The following SOX6 variants were observed in gnomAD, a reference collection of about 807,000 sequenced individuals.
SOX6 encodes the protein SRY-box transcription factor 6.
Under a neutral mutation model 97.8 loss-of-function variants are expected in SOX6, and 11 were observed. That is an observed-to-expected ratio of 0.11 (90% CI 0.07 to 0.19). The LOEUF (loss-of-function observed/expected upper bound fraction) is 0.19. SOX6 is among the 10% of genes least tolerant of loss of function. The probability of loss-of-function intolerance (pLI) is 1.00; values close to 1 mark genes in which losing one functional copy is unlikely to be tolerated. For missense variants in SOX6, 810 were observed against 1,039.5 expected, an observed-to-expected ratio of 0.78 and a Z score of 3.04; for synonymous variants, 360 against 371.4, an observed-to-expected ratio of 0.97 and a Z score of 0.35.
At chr11:16,256,814 A>C (rs1853706215) in intron 3 of SOX6, among the ~76,000 whole-genome samples, 1 of 151,934 alleles carries the variant, frequency 6.6e-6, no homozygotes, top group Admixed American at 6.6e-5. Flanking sequence ...GTAGAAAATA[A>C]GACATAATTG....
chr11:16,292,557 T>C (rs1854947587), intron 3 of SOX6, among the ~76,000 whole-genome samples: 1 of 152,114 alleles, frequency 6.6e-6, no homozygotes, highest in African/African-American at 2.4e-5. Flanking sequence ...TCCCCCAAAA[T>C]GTAATCTCTA....
At chr11:16,650,214 T>C (rs959916282) in intron 3 of SOX6, among the ~76,000 whole-genome samples, 4 of 152,146 alleles carry the variant, frequency 2.6e-5, no homozygotes, top group African/African-American at 9.7e-5. Flanking sequence ...CTGACAGCAG[T>C]AGACCGGTCA....
intron 10 of SOX6, among the ~76,000 whole-genome samples, chr11:16,052,060 T>C (rs1266650947): frequency 6.6e-6 from 1 of 152,186 alleles, no homozygotes; most frequent in African/African-American, 2.4e-5. Context: ...TGTCTTGCTT[T>C]ATCATGCTCA....
At chr11:16,389,110 T>A (rs1239887910) in intron 1 of SOX6, among the ~76,000 whole-genome samples, 1 of 152,134 alleles carries the variant, frequency 6.6e-6, no homozygotes, top group Non-Finnish European at 1.5e-5. Flanking sequence ...AGAGACAGGG[T>A]CTCACTCTGA....
chr11:16,089,336 T>G (rs1848636239), intron 9 of SOX6, among the ~76,000 whole-genome samples: 1 of 152,112 alleles, frequency 6.6e-6, no homozygotes, highest in African/African-American at 2.4e-5. Context: ...TCAAGATGAC[T>G]CTACTGCTGT....
chr11:16,523,834 A>G (rs1312940279), intron 4 of SOX6, among the ~76,000 whole-genome samples: 4 of 152,230 alleles, frequency 2.6e-5, no homozygotes, highest in Non-Finnish European at 5.9e-5. Context: ...ACAAACTACC[A>G]TCAGAGAATA....
intron 15 of SOX6, among the ~76,000 whole-genome samples, chr11:15,982,412 T>C (rs1853684320): frequency 6.6e-6 from 1 of 152,104 alleles, no homozygotes; most frequent in African/African-American, 2.4e-5. Flanking sequence ...AATCTATCTT[T>C]ATCATTGCTA....
rs964890322 is a variant in SOX6 at position 15,969,236 on chromosome 11, C to T, written c.*3573G>A. The T allele has an allele frequency of 1.3e-5, 2 of 152,058 alleles. No homozygotes were observed. The highest frequency in any genetic ancestry group is 6.6e-5 in the Admixed American group (1 of 15,250). The allele number at this position is 152,058 out of a possible 1,614,324, so 9.4% of individuals were successfully genotyped here. A position where few individuals can be genotyped will look rare whatever the true frequency, so the allele number is the denominator to read the frequency against. ...AGGGAGCACCGCAAAAACAAAGTTG[C>T]TTAACATTCTTGAATCTAAACTGAC... On this transcript the variant is annotated 3_prime_UTR_variant, in exon 16 of 16. Transcript: ENST00000683767.
intron 9 of SOX6, among the ~76,000 whole-genome samples, chr11:16,071,893 A>T (rs1290763511): frequency 6.6e-6 from 1 of 151,650 alleles, no homozygotes; most frequent in Admixed American, 6.6e-5. Flanking sequence ...CCAACCCCCA[A>T]GGGCATCTAA....
At chr11:16,011,353 T>TCCCC (rs1175513578) in intron 13 of SOX6, among the ~76,000 whole-genome samples, 1 of 152,060 alleles carries the variant, frequency 6.6e-6, no homozygotes, top group African/African-American at 2.4e-5. Context: ...GTTTCCTAAG[T>TCCCC]CCCCGGCACC....
intron 4 of SOX6, among the ~76,000 whole-genome samples, chr11:16,601,620 G>A (rs1023813424): frequency 6.6e-6 from 1 of 152,058 alleles, no homozygotes; most frequent in Non-Finnish European, 1.5e-5. Flanking sequence ...TTAAAAGTAG[G>A]TGTTAAAGCC....
chr11:16,089,095 A>T (rs1468648228), intron 9 of SOX6, among the ~76,000 whole-genome samples: 1 of 152,136 alleles, frequency 6.6e-6, no homozygotes. Context: ...AATGAACTCA[A>T]TGCAGTTTAT....
chr11:16,425,937 G>C (rs1163737127), intron 1 of SOX6, among the ~76,000 whole-genome samples: 1 of 149,634 alleles, frequency 6.7e-6, no homozygotes, highest in Non-Finnish European at 1.5e-5. Flanking sequence ...CTACCATTGA[G>C]ATTTTTTACA....
Position 15,986,359 on chromosome 11 carries a change from C to T in SOX6, c.2028G>A (p.Arg676=), listed in dbSNP as rs755767274. The T allele has an allele frequency of 8.1e-6, 13 of 1,613,934 alleles. No individual in the cohort carries two copies. Among genetic ancestry groups the T allele is most frequent in the Admixed American group, 6.7e-5 (4 of 59,986 alleles). ...EKQPYYEEQA[R]LSKIHLEKYP... is the part of the protein sequence containing the mutation. ...ACTTCTCTAAGTGGATCTTGCTTAGCCGGGCCTGCTCTTCATAATAAGGTT... is the reference window on the plus strand; with the variant it reads ...ACTTCTCTAAGTGGATCTTGCTTAGTCGGGCCTGCTCTTCATAATAAGGTT... The change falls in exon 15 of 16, where the codon CGG becomes CGA. Residue 676 remains arginine, a synonymous_variant. Coordinates refer to ENST00000683767, the MANE Select transcript of SOX6 (RefSeq NM_001367873.1).
intron 4 of SOX6, among the ~76,000 whole-genome samples, chr11:16,231,056 G>A (rs950253327): frequency 3.3e-5 from 5 of 151,642 alleles, no homozygotes; most frequent in Non-Finnish European, 7.4e-5. Context: ...TATTATATAG[G>A]TAAGTGTTTA....
chr11:16,497,723 G>T (rs930151119), intron 4 of SOX6, among the ~76,000 whole-genome samples: 2 of 146,220 alleles, frequency 1.4e-5, no homozygotes, highest in African/African-American at 5.0e-5. Context: ...ATCAGTGATG[G>T]AAGATGAAAT....
chr11:16,127,635 C>G (rs2134015160), intron 6 of SOX6, among the ~76,000 whole-genome samples: 1 of 152,182 alleles, frequency 6.6e-6, no homozygotes, highest in South Asian at 2.1e-4. Flanking sequence ...TCCCTAAAAT[C>G]TTATTTTATT....
At chr11:16,185,674 C>T (rs1000802606) in intron 5 of SOX6, among the ~76,000 whole-genome samples, 4 of 152,166 alleles carry the variant, frequency 2.6e-5, no homozygotes, top group African/African-American at 2.4e-5. Flanking sequence ...AGATATCACT[C>T]GTCTGCAAAT....
intron 1 of SOX6, among the ~76,000 whole-genome samples, chr11:16,431,139 C>T (rs941124385): frequency 2.0e-4 from 30 of 152,206 alleles, no homozygotes; most frequent in African/African-American, 7.2e-4. Flanking sequence ...TTAAATATCA[C>T]CTTATCTGTT....
Sources: gnomAD v4.1 joint callset for allele counts (sites outside exome capture counted in the v4.1 genomes callset) on GRCh38, gnomAD v4.1.1 for gene constraint, MANE v1.5 for transcripts, NCBI Gene and HGNC (gene_info 2026-07-23, HGNC 2026-07-21) for gene names.